DCC: variants seen among roughly 807,000 people sequenced by gnomAD.
The protein encoded by DCC is netrin receptor DCC.
A neutral mutation model predicts 172.5 loss-of-function variants in DCC; 58 were observed. That is an observed-to-expected ratio of 0.34 (90% CI 0.27 to 0.42). The LOEUF is 0.42. DCC is among the 10% of genes least tolerant of loss of function. The pLI is 1.00. For synonymous variants in DCC, 709 were observed against 644.5 expected (o/e 1.10, Z -1.52); for missense variants, 1,740 against 1,791.0 (o/e 0.97, Z 0.51).
At chr18:53,084,552 C>T (rs1312705997) in intron 7 of DCC, among the ~76,000 whole-genome samples, 1 of 152,192 alleles carries the variant, frequency 6.6e-6, no homozygotes, top group East Asian at 1.9e-4. Context: ...GCCAGTTGCT[C>T]CTCCAGGCCC....
intron 5 of DCC, among the ~76,000 whole-genome samples, chr18:52,994,237 T>G (rs2041443080): frequency 6.6e-6 from 1 of 152,156 alleles, no homozygotes; most frequent in Non-Finnish European, 1.5e-5. Flanking sequence ...AATACTCTTT[T>G]TAAAGACCAT....
At chr18:52,475,233 C>T (rs1989059449) in intron 1 of DCC, among the ~76,000 whole-genome samples, 2 of 152,176 alleles carry the variant, frequency 1.3e-5, no homozygotes, top group Non-Finnish European at 2.9e-5. Flanking sequence ...TACTAACTTC[C>T]AGATGGGAAA....
At position 53,402,845 on chromosome 18, in the gene DCC, G is replaced by T; in HGVS notation, c.2887G>T (p.Val963Phe). The change falls in exon 19 of 29, where the codon GTC (valine) becomes TTC (phenylalanine). Residue 963 changes from valine (V) to phenylalanine (F), a missense_variant. Physicochemically the swap from Val to Phe is conservative, Grantham distance 50. Coordinates refer to ENST00000442544, the MANE Select transcript of DCC (RefSeq NM_005215.4). ...TACTAGGGAAGGGAAGCCTCGTGCCGTCATTGTGAGTTGGCAGCCTCCCTT... is the reference window on the plus strand; with the variant it reads ...TACTAGGGAAGGGAAGCCTCGTGCCTTCATTGTGAGTTGGCAGCCTCCCTT... ...VITREGKPRA[V>F]IVSWQPPLEA... is the part of the protein sequence containing the mutation. 1 of 1,614,022 alleles carries T rather than the reference G, an allele frequency of 6.2e-7. No individual in the cohort carries two copies. The highest frequency in any genetic ancestry group is 8.5e-7 in the Non-Finnish European group (1 of 1,179,972).
intron 26 of DCC, among the ~76,000 whole-genome samples, chr18:53,497,628 CA>C (rs1410031670): frequency 6.6e-6 from 1 of 152,208 alleles, no homozygotes; most frequent in Admixed American, 6.5e-5. Context: ...ACAAAAATCT[CA>C]TTACATGACA....
At chr18:53,315,639 T>A (rs74367954) in intron 13 of DCC, among the ~76,000 whole-genome samples, 16,450 of 152,238 alleles carry the variant, frequency 0.11, 972 homozygotes, top group Middle Eastern at 0.19. Flanking sequence ...TTCCTGACTT[T>A]TTAATGATCA....
At chr18:52,556,039 T>C (rs1383548961) in intron 1 of DCC, among the ~76,000 whole-genome samples, 3 of 152,168 alleles carry the variant, frequency 2.0e-5, no homozygotes, top group African/African-American at 7.2e-5. Context: ...GTGAAGAATA[T>C]ACAATTTATT....
chr18:53,487,554 C>T (rs558814824), intron 26 of DCC, among the ~76,000 whole-genome samples: 84 of 127,770 alleles, frequency 6.6e-4, no homozygotes, highest in African/African-American at 2.3e-3. Context: ...TTTTTGAGCA[C>T]AGTGTTTTAA....
At chr18:53,169,116 AATGGTGCATCGCATGTTGCC>A (rs1347707141) in intron 8 of DCC, among the ~76,000 whole-genome samples, 2 of 152,242 alleles carry the variant, frequency 1.3e-5, no homozygotes, top group Admixed American at 1.3e-4. Flanking sequence ...TAAATTGCAC[AATGGTGCATCGCATGTTGCC>A]ATGCTTGACT....
chr18:53,205,366 TA>T lies in DCC; in HGVS notation c.1722+3del. ...GAGGTGTCCACAGGAAAAGAACAGG[TA>T]GGTGAAGGAATGGACCACACTGCTT... On this transcript the variant is annotated splice_donor_region_variant and intron_variant, in intron 10 of 28. Transcript: ENST00000442544. 4 of 1,613,616 alleles carry T rather than the reference TA, an allele frequency of 2.5e-6. No homozygotes were observed. The highest frequency in any genetic ancestry group is 3.4e-6 in the Non-Finnish European group (4 of 1,179,666).
At chr18:53,116,293 G>A (rs1455331368) in intron 7 of DCC, among the ~76,000 whole-genome samples, 1 of 151,742 alleles carries the variant, frequency 6.6e-6, no homozygotes, top group East Asian at 1.9e-4. Context: ...CTCCGTTACA[G>A]AATTTTTGGG....
chr18:53,419,109 C>T (rs971592926), intron 21 of DCC, among the ~76,000 whole-genome samples: 5 of 151,934 alleles, frequency 3.3e-5, no homozygotes, highest in African/African-American at 4.8e-5. Flanking sequence ...CTCTATGAAG[C>T]GGGTGCAGAG....
chr18:53,442,354 A>T (rs1476935314), intron 22 of DCC, among the ~76,000 whole-genome samples: 1 of 152,168 alleles, frequency 6.6e-6, no homozygotes, highest in Admixed American at 6.5e-5. Context: ...TTAAATTATT[A>T]TTATATCTGC....
At chr18:53,008,306 TA>T (rs1193281628) in intron 5 of DCC, among the ~76,000 whole-genome samples, 17 of 152,200 alleles carry the variant, frequency 1.1e-4, no homozygotes, top group African/African-American at 4.1e-4. Flanking sequence ...CACTAGTATC[TA>T]TTCTACTTAA....
At chr18:53,484,024 G>A (rs967929539) in intron 25 of DCC, among the ~76,000 whole-genome samples, 2 of 151,466 alleles carry the variant, frequency 1.3e-5, no homozygotes, top group Non-Finnish European at 3.0e-5. Context: ...TAGTGTGTGT[G>A]TATATATATA....
intron 12 of DCC, among the ~76,000 whole-genome samples, chr18:53,257,059 T>G (rs2056526861): frequency 6.6e-6 from 1 of 152,240 alleles, no homozygotes; most frequent in African/African-American, 2.4e-5. Flanking sequence ...TTCACATTGA[T>G]TTTGTATCCT....
At chr18:53,105,623 T>G (rs1378981298) in intron 7 of DCC, among the ~76,000 whole-genome samples, 1 of 151,968 alleles carries the variant, frequency 6.6e-6, no homozygotes, top group Non-Finnish European at 1.5e-5. Flanking sequence ...ATTTTATTCA[T>G]ACACTGGCTT....
rs75598133 is a variant in DCC, at chr18:53,361,156, A to C, written c.2359+21249A>C. ...ACAGAGATGGGAATGATACAGTGACAAGGAATTAGGATCCAGAAAAGGCAA... is the reference window on the plus strand; with the variant it reads ...ACAGAGATGGGAATGATACAGTGACCAGGAATTAGGATCCAGAAAAGGCAA... On this transcript the variant is annotated intron_variant, in intron 15 of 28. Coordinates refer to ENST00000442544, the MANE Select transcript of DCC (RefSeq NM_005215.4). Among the ~76,000 whole-genome samples the C allele has an allele frequency of 2.6e-5, 4 of 152,262 alleles. 1 individual carries two copies. Among genetic ancestry groups the C allele is most frequent in the African/African-American group, 9.6e-5 (4 of 41,554 alleles).
chr18:52,576,857 G>A (rs2033427036), intron 1 of DCC, among the ~76,000 whole-genome samples: 1 of 150,826 alleles, frequency 6.6e-6, no homozygotes, highest in Admixed American at 6.6e-5. Flanking sequence ...AAATAATGTA[G>A]TTTCATCTAT....
At chr18:52,860,608 A>ATT (rs2039126034) in intron 2 of DCC, among the ~76,000 whole-genome samples, 1 of 152,316 alleles carries the variant, frequency 6.6e-6, no homozygotes, top group South Asian at 2.1e-4. Context: ...TAGTAAGACC[A>ATT]TTTGTTTGCA....
Sources: gnomAD v4.1 joint callset for allele counts (sites outside exome capture counted in the v4.1 genomes callset) on GRCh38, gnomAD v4.1.1 for gene constraint, MANE v1.5 for transcripts, NCBI Gene and HGNC (gene_info 2026-07-23, HGNC 2026-07-21) for gene names.